The following STT3B variants were observed in gnomAD, a reference collection of about 807,000 sequenced individuals.
STT3B encodes the protein STT3 oligosaccharyltransferase complex catalytic subunit B.
Under a neutral mutation model 96.8 loss-of-function variants are expected in STT3B, and 29 were observed. That is an observed-to-expected ratio of 0.30 (90% confidence interval 0.22 to 0.41). The LOEUF is 0.41. Ranked by LOEUF, STT3B falls within the 10% of genes least tolerant of loss-of-function variation. The probability of loss-of-function intolerance (pLI) is 1.00; values close to 1 mark genes in which losing one functional copy is unlikely to be tolerated. For missense variants in STT3B, 640 were observed against 1,022.3 expected (o/e 0.63, Z 5.10); for synonymous variants, 367 against 360.0 (o/e 1.02, Z -0.22).
chr3:31,596,174 G>A (rs547100040), intron 3 of STT3B, among the ~76,000 whole-genome samples: 1 of 152,286 alleles, frequency 6.6e-6, no homozygotes, highest in East Asian at 1.9e-4. Flanking sequence ...GATATGAACT[G>A]TAGTTAGTGG....
At position 31,626,331 on chromosome 3, in the gene STT3B, T is replaced by C. The variant is rs1010878325; in HGVS notation, c.2073+204T>C. Among the ~76,000 whole-genome samples, 26 of 152,186 alleles carry C rather than the reference T, an allele frequency of 1.7e-4. 1 individual carries two copies. On this transcript the variant is annotated intron_variant, in intron 13 of 15. Transcript: ENST00000295770. ...AGTCAAAATGGAACTAATATACCATTCTTCCCTATGAAGCAGTCCCTTGCC... is the reference window on the plus strand; with the variant it reads ...AGTCAAAATGGAACTAATATACCATCCTTCCCTATGAAGCAGTCCCTTGCC...
intron 13 of STT3B, among the ~76,000 whole-genome samples, chr3:31,628,856 T>C (rs546359179): frequency 6.6e-6 from 1 of 152,312 alleles, no homozygotes; most frequent in Admixed American, 6.5e-5. Context: ...GGCTCAAGTC[T>C]GTAATCCTAG....
In STT3B at chr3:31,623,877, G is replaced by A. The variant is rs533391640; in HGVS notation, c.1727+16G>A. On this transcript the variant is annotated intron_variant, in intron 11 of 15. Transcript: ENST00000295770. ...ATCATGATGGGTAAGAAAATAACTCGGATACAAAAACATTTTATACTTACA... is the reference window on the plus strand; with the variant it reads ...ATCATGATGGGTAAGAAAATAACTCAGATACAAAAACATTTTATACTTACA... The A allele has an allele frequency of 2.6e-6, 4 of 1,549,506 alleles. No individual in the cohort carries two copies. Among genetic ancestry groups the A allele is most frequent in the East Asian group, 4.6e-5 (2 of 43,934 alleles).
Position 31,605,154 on chromosome 3 carries a change from A to G in STT3B, c.877+4695A>G, listed in dbSNP as rs1209286091. Among the ~76,000 whole-genome samples, 4 of 152,314 alleles carry G rather than the reference A, an allele frequency of 2.6e-5. No individual in the cohort carries two copies. In the South Asian group the frequency reaches 8.3e-4, roughly 32 times the overall value. On this transcript the variant is annotated intron_variant, in intron 5 of 15. Coordinates refer to ENST00000295770, the MANE Select transcript of STT3B (RefSeq NM_178862.3). ...AGAGGCTAAGAGAGGTGATTACTGT[A>G]TTAAGACTGAAAGGATAAAACCCCA...
intron 5 of STT3B, among the ~76,000 whole-genome samples, chr3:31,610,058 G>A (rs1306044807): frequency 6.6e-6 from 1 of 152,152 alleles, no homozygotes; most frequent in Admixed American, 6.5e-5. Context: ...TGCCTGTTAA[G>A]TTAATCATAT....
At chr3:31,625,153 G>T in intron 12 of STT3B, 68 bp downstream of exon 12, 1 of 1,377,518 alleles carries the variant, frequency 7.3e-7, no homozygotes, top group Non-Finnish European at 9.9e-7. Context: ...CTTCACTTGT[G>T]ACTAAATAGG....
intron 1 of STT3B, among the ~76,000 whole-genome samples, chr3:31,570,139 T>A (rs1698103717): frequency 1.3e-5 from 2 of 152,132 alleles, no homozygotes; most frequent in South Asian, 4.1e-4. Flanking sequence ...ATGCCAAAAT[T>A]GAAGACTACC....
intron 6 of STT3B, among the ~76,000 whole-genome samples, chr3:31,616,220 T>A (rs2125472424): frequency 6.6e-6 from 1 of 152,020 alleles, no homozygotes; most frequent in East Asian, 1.9e-4. Context: ...GGCCTATTTG[T>A]TCATATTCTT....
chr3:31,572,040 T>TAAAC lies in STT3B; in HGVS notation c.315-4355_315-4354insAACA, dbSNP rs765756637. Among the ~76,000 whole-genome samples the TAAAC allele has an allele frequency of 5.6e-3, 261 of 46,546 alleles. 2 individuals are homozygous for TAAAC. Among genetic ancestry groups the TAAAC allele is most frequent in the Non-Finnish European group, 0.02 (229 of 11,214 alleles). The allele number at this position is 46,546 out of a possible 152,430, so 30.5% of individuals were successfully genotyped here. A position where few individuals can be genotyped will look rare whatever the true frequency, so the allele number is the denominator to read the frequency against. ...CATATTAATATATATTAATATATGA[T>TAAAC]ATATTAATATATCATATATTAATAT... On this transcript the variant is annotated intron_variant, in intron 1 of 15. Transcript: ENST00000295770.
intron 8 of STT3B, among the ~76,000 whole-genome samples, chr3:31,619,148 G>A (rs1366079310): frequency 6.6e-6 from 1 of 151,986 alleles, no homozygotes; most frequent in Non-Finnish European, 1.5e-5. Context: ...AATCTGAAAC[G>A]CTCTAAAATC....
chr3:31,620,075 G>T, intron 9 of STT3B: 1 of 799,800 alleles, frequency 1.3e-6, no homozygotes. Flanking sequence ...AGGAGTTCGA[G>T]ACCAGCCTGG....
At chr3:31,633,600 T>C (rs1350019356) in intron 15 of STT3B, among the ~76,000 whole-genome samples, 1 of 146,426 alleles carries the variant, frequency 6.8e-6, no homozygotes, top group Non-Finnish European at 1.5e-5. Flanking sequence ...AAAAAATCAT[T>C]TATCTTAAGA....
intron 1 of STT3B, 25 bp downstream of exon 1, chr3:31,533,337 C>G: frequency 6.7e-7 from 1 of 1,490,716 alleles, no homozygotes; most frequent in Admixed American, 2.2e-5. Flanking sequence ...GCCCCTCCCC[C>G]GCCCGTGGCC....
intron 1 of STT3B, among the ~76,000 whole-genome samples, chr3:31,537,897 G>A (rs1006403667): frequency 6.6e-6 from 1 of 151,882 alleles, no homozygotes; most frequent in African/African-American, 2.4e-5. Flanking sequence ...CTGTGCACAC[G>A]TGCTCTCCGA....
At chr3:31,536,593 A>G (rs1424840605) in intron 1 of STT3B, among the ~76,000 whole-genome samples, 1 of 152,186 alleles carries the variant, frequency 6.6e-6, no homozygotes, top group Admixed American at 6.5e-5. Flanking sequence ...ACAGAGTTAT[A>G]CTTGTTTTTT....
At chr3:31,629,498 ATT>A in intron 14 of STT3B, 87 bp downstream of exon 14, 1 of 673,996 alleles carries the variant, frequency 1.5e-6, no homozygotes, top group East Asian at 3.0e-5. Flanking sequence ...GGATAATGAT[ATT>A]TTGATTGTGC....
intron 13 of STT3B, among the ~76,000 whole-genome samples, chr3:31,627,415 G>A (rs1183575984): frequency 2.0e-5 from 3 of 152,174 alleles, no homozygotes; most frequent in African/African-American, 4.8e-5. Context: ...TGTCTTCCAC[G>A]AAACTGGTCT....
At chr3:31,572,015 CATATTAATATATATTAATATATGATAT>C (rs1164004130) in intron 1 of STT3B, among the ~76,000 whole-genome samples, 24 of 131,954 alleles carry the variant, frequency 1.8e-4, no homozygotes, top group Admixed American at 1.1e-3. Context: ...TTTTATTAAA[CATATTAATATATATTAATATATGATAT>C]ATTAATATAT....
rs867368417 is a variant in STT3B, at chr3:31,543,239, G to A, written c.314+9927G>A. Reference sequence around the variant, plus strand: ...TGGCTAACTAGGCCAGAGCCATTTTGAAGATTTTAACACCTGTGCATGTAA... The same window carrying A: ...TGGCTAACTAGGCCAGAGCCATTTTAAAGATTTTAACACCTGTGCATGTAA... On this transcript the variant is annotated intron_variant, in intron 1 of 15. Coordinates refer to ENST00000295770, the MANE Select transcript of STT3B (RefSeq NM_178862.3). 5.9e-5 allele frequency among the ~76,000 whole-genome samples: 9 copies of A among 152,210 alleles called. No homozygotes were observed. In the South Asian group the frequency reaches 1.7e-3, roughly 28 times the overall value.
Sources: gnomAD v4.1 joint callset for allele counts (sites outside exome capture counted in the v4.1 genomes callset) on GRCh38, gnomAD v4.1.1 for gene constraint, MANE v1.5 for transcripts, NCBI Gene and HGNC (gene_info 2026-07-23, HGNC 2026-07-21) for gene names.